The following FAM13C variants were observed in gnomAD, a reference collection of about 807,000 sequenced individuals.
FAM13C encodes family with sequence similarity 13 member C.
Under a neutral mutation model 73.2 loss-of-function variants are expected in FAM13C, and 37 were observed. The ratio of observed to expected loss-of-function variants is 0.51; its 90% CI spans 0.39 to 0.67. The LOEUF (loss-of-function observed/expected upper bound fraction) is 0.67, where lower values mean the gene tolerates loss of function less well. FAM13C is among the 30% of genes least tolerant of loss of function. The pLI is 0.00. For missense variants in FAM13C, 589 were observed against 715.6 expected (o/e 0.82, Z 2.02); for synonymous variants, 246 against 260.9 (o/e 0.94, Z 0.55).
At chr10:59,345,715 A>C (rs10763603) in intron 3 of FAM13C, among the ~76,000 whole-genome samples, 82,613 of 151,942 alleles carry the variant, frequency 0.54, 23,592 homozygotes, top group Middle Eastern at 0.63. Context: ...CTGTCCCCCG[A>C]ATCTTCACCA....
At chr10:59,257,832 A>T (rs1842091376) in intron 10 of FAM13C, among the ~76,000 whole-genome samples, 1 of 152,224 alleles carries the variant, frequency 6.6e-6, no homozygotes, top group Admixed American at 6.5e-5. Context: ...TCAGATAACC[A>T]GCTTCAAAAC....
chr10:59,322,363 C>T (rs1226471936), intron 4 of FAM13C, among the ~76,000 whole-genome samples: 2 of 152,162 alleles, frequency 1.3e-5, no homozygotes, highest in South Asian at 2.1e-4. Flanking sequence ...TTGCTGACAG[C>T]GGTGCACAGA....
chr10:59,274,540 G>A (rs1434846749), intron 6 of FAM13C, among the ~76,000 whole-genome samples: 1 of 152,140 alleles, frequency 6.6e-6, no homozygotes, highest in Non-Finnish European at 1.5e-5. Context: ...GGGAGCTGGA[G>A]GGGTGGGAAA....
At chr10:59,342,950 G>T (rs1468901959) in intron 3 of FAM13C, among the ~76,000 whole-genome samples, 1 of 152,218 alleles carries the variant, frequency 6.6e-6, no homozygotes, top group Non-Finnish European at 1.5e-5. Context: ...ATGTGCATTT[G>T]CATATGTATG....
At chr10:59,336,087 A>G (rs1337670020) in intron 3 of FAM13C, among the ~76,000 whole-genome samples, 1 of 152,202 alleles carries the variant, frequency 6.6e-6, no homozygotes, top group African/African-American at 2.4e-5. Context: ...TGAATTTATT[A>G]AGAAGCTTAC....
At chr10:59,342,945 C>T (rs762951143) in intron 3 of FAM13C, among the ~76,000 whole-genome samples, 5 of 152,212 alleles carry the variant, frequency 3.3e-5, no homozygotes, top group Non-Finnish European at 7.3e-5. Flanking sequence ...CAAGGATGTG[C>T]ATTTGCATAT....
rs145571789 is a variant in FAM13C at position 59,292,931 on chromosome 10, G to T, written c.508-9484C>A. On this transcript the variant is annotated intron_variant, in intron 5 of 13. Transcript: ENST00000618804. ...CACACTACAGTGCTGTAGAATACTA[G>T]AACTTATTCCTCTTATCTAGCAATG... Among the ~76,000 whole-genome samples, 12 of 152,010 alleles carry T rather than the reference G, an allele frequency of 7.9e-5. No individual in the cohort carries two copies. In the East Asian group the frequency reaches 2.3e-3, roughly 29 times the overall value.
At chr10:59,270,600 A>ATTAT (rs1412047913) in intron 6 of FAM13C, among the ~76,000 whole-genome samples, 2 of 152,176 alleles carry the variant, frequency 1.3e-5, no homozygotes, top group African/African-American at 4.8e-5. Flanking sequence ...CAGAAAGAAA[A>ATTAT]TTATTCAGCA....
chr10:59,307,339 G>A (rs1041873018), intron 4 of FAM13C, among the ~76,000 whole-genome samples: 1 of 152,130 alleles, frequency 6.6e-6, no homozygotes, highest in Non-Finnish European at 1.5e-5. Context: ...GTACCTAGAA[G>A]CTTCTCAGTA....
intron 8 of FAM13C, 118 bp from the exon 9 acceptor site, chr10:59,264,284 A>C: frequency 1.5e-6 from 1 of 678,398 alleles, no homozygotes; most frequent in South Asian, 1.8e-5. Flanking sequence ...AAGATAGTTT[A>C]GGAATATATA....
chr10:59,293,615 A>G (rs1407727003), intron 5 of FAM13C, among the ~76,000 whole-genome samples: 1 of 152,182 alleles, frequency 6.6e-6, no homozygotes, highest in Admixed American at 6.5e-5. Context: ...TTGTAAGAAA[A>G]TAAGAAAATT....
chr10:59,355,500 T>G (rs1443917103), intron 2 of FAM13C, among the ~76,000 whole-genome samples: 1 of 152,176 alleles, frequency 6.6e-6, no homozygotes, highest in African/African-American at 2.4e-5. Context: ...AAGAAATGAT[T>G]AGCAGTGAAG....
intron 2 of FAM13C, among the ~76,000 whole-genome samples, chr10:59,355,683 G>A (rs534485962): frequency 5.9e-5 from 9 of 152,230 alleles, no homozygotes; most frequent in African/African-American, 1.4e-4. Flanking sequence ...CCACAGGTAA[G>A]GTACTGTCCT....
At chr10:59,266,240 C>T (rs759616756) in intron 8 of FAM13C, among the ~76,000 whole-genome samples, 19 of 152,194 alleles carry the variant, frequency 1.2e-4, no homozygotes, top group Non-Finnish European at 1.8e-4. Context: ...GTGGCTGACG[C>T]AGCCTTTTCT....
intron 1 of FAM13C, among the ~76,000 whole-genome samples, chr10:59,358,286 G>A (rs548659939): frequency 4.6e-5 from 7 of 152,280 alleles, no homozygotes; most frequent in African/African-American, 1.4e-4. Context: ...GCTGAGGCAC[G>A]AGAACCACTT....
intron 4 of FAM13C, among the ~76,000 whole-genome samples, chr10:59,304,166 C>A (rs1847938272): frequency 2.6e-5 from 4 of 152,100 alleles, no homozygotes; most frequent in Admixed American, 6.6e-5. Context: ...AGAAAAGTGT[C>A]TGTTCATGTC....
At chr10:59,336,301 T>C (rs548222524) in intron 3 of FAM13C, among the ~76,000 whole-genome samples, 2 of 152,334 alleles carry the variant, frequency 1.3e-5, no homozygotes, top group Non-Finnish European at 1.5e-5. Flanking sequence ...TCAGCTTCTA[T>C]ACAGCATTGT....
chr10:59,320,290 T>C (rs1850042562), intron 4 of FAM13C, among the ~76,000 whole-genome samples: 1 of 152,088 alleles, frequency 6.6e-6, no homozygotes, highest in Admixed American at 6.6e-5. Context: ...GCCAAATATG[T>C]CTCCACACCA....
chr10:59,290,192 G>A (rs1225669191), intron 5 of FAM13C, among the ~76,000 whole-genome samples: 1 of 152,110 alleles, frequency 6.6e-6, no homozygotes, highest in Admixed American at 6.6e-5. Context: ...TCCCACTTTA[G>A]TTGGGTTGAA....
Sources: gnomAD v4.1 joint callset for allele counts (sites outside exome capture counted in the v4.1 genomes callset) on GRCh38, gnomAD v4.1.1 for gene constraint, MANE v1.5 for transcripts, NCBI Gene and HGNC (gene_info 2026-07-23, HGNC 2026-07-21) for gene names.